CCDC174: variants seen among roughly 807,000 people sequenced by gnomAD.
The protein encoded by CCDC174 is coiled-coil domain containing 174.
In CCDC174, 37 loss-of-function variants were observed where a neutral mutation model predicts 57.1. The observed-to-expected ratio is 0.65, with a 90% CI of 0.50 to 0.85. The LOEUF (loss-of-function observed/expected upper bound fraction) is 0.85. Ranked by LOEUF, CCDC174 falls within the 40% of genes least tolerant of loss-of-function variation. CCDC174 has a pLI of 0.00. For synonymous variants in CCDC174, 182 were observed against 190.2 expected (o/e 0.96, Z 0.35); for missense variants, 540 against 574.3 (o/e 0.94, Z 0.61).
At position 14,668,109 on chromosome 3, in the gene CCDC174, G is replaced by T; in HGVS notation, c.880G>T (p.Ala294Ser). The change falls in exon 9 of 11, where the codon GCA (alanine) becomes TCA (serine). Residue 294 changes from alanine to serine, a missense_variant. Transcript: ENST00000383794. ...IKEKRKAILEARLAKLRQKKM... is the reference protein window; with the variant it reads ...IKEKRKAILESRLAKLRQKKM... ...GGAAAAGCGAAAGGCTATCTTAGAG[G>T]CAAGACTTGCCAAACTTCGACAAAA... The T allele has an allele frequency of 2.5e-6, 4 of 1,609,828 alleles. No homozygotes were observed. Among genetic ancestry groups the T allele is most frequent in the Non-Finnish European group, 3.4e-6 (4 of 1,178,024 alleles).
intron 3 of CCDC174, among the ~76,000 whole-genome samples, chr3:14,657,789 T>TGTG (rs2031007785): frequency 6.6e-6 from 1 of 152,214 alleles, no homozygotes; most frequent in African/African-American, 2.4e-5. Context: ...CAGATCCTCC[T>TGTG]GTGGTTGGCT....
intron 6 of CCDC174, 35 bp from the exon 7 acceptor site, chr3:14,666,770 A>T: frequency 6.5e-7 from 1 of 1,534,990 alleles, no homozygotes; most frequent in Non-Finnish European, 8.7e-7. Context: ...CTCAATCCTT[A>T]TCTGAAGATA....
intron 3 of CCDC174, among the ~76,000 whole-genome samples, chr3:14,657,697 C>T (rs1010256479): frequency 6.6e-6 from 1 of 152,226 alleles, no homozygotes; most frequent in African/African-American, 2.4e-5. Context: ...GCTCAGCACC[C>T]TCTGCTCTAC....
chr3:14,651,955 T>C, intron 1 of CCDC174, 77 bp downstream of exon 1: 1 of 1,450,988 alleles, frequency 6.9e-7, no homozygotes, highest in Non-Finnish European at 9.6e-7. Context: ...CGACCTAGCT[T>C]GTTTCTTCAC....
chr3:14,657,435 C>A (rs1264273347), intron 3 of CCDC174, among the ~76,000 whole-genome samples: 1 of 152,224 alleles, frequency 6.6e-6, no homozygotes, highest in African/African-American at 2.4e-5. Flanking sequence ...CAGGCAGTGT[C>A]CCTGCTCTCA....
rs773494166 is a variant in CCDC174, at chr3:14,668,158, G to A, written c.929G>A (p.Gly310Asp). ...RQKKMKKSKE[G>D]GTEEENRDGD... ...AAAAAGATGAAAAAATCAAAAGAAG[G>A]TGGAACAGAAGAAGAAAATAGAGGT... The change falls in exon 9 of 11, where the codon GGT becomes GAT. Residue 310 changes from glycine to aspartate, a missense_variant. Coordinates refer to ENST00000383794, the MANE Select transcript of CCDC174 (RefSeq NM_016474.5). 4.3e-6 allele frequency: 7 copies of A among 1,611,380 alleles called. No individual in the cohort carries two copies. The South Asian group carries it at 5.5e-5, about 13-fold the overall frequency.
chr3:14,667,389 A>G (rs1334751454), intron 7 of CCDC174, 35 bp from the exon 8 acceptor site: 2 of 1,473,814 alleles, frequency 1.4e-6, no homozygotes, highest in Non-Finnish European at 1.9e-6. Context: ...TGATCAGGAC[A>G]GTCTGATCTT....
Position 14,671,139 on chromosome 3 carries a change from C to A in CCDC174, c.1349C>A (p.Thr450Lys), listed in dbSNP as rs868434078. 1.2e-6 allele frequency: 2 copies of A among 1,613,674 alleles called. No individual in the cohort carries two copies. The highest frequency in any genetic ancestry group is 2.7e-5 in the African/African-American group (2 of 74,934). The change falls in exon 11 of 11, where the codon ACA (threonine) becomes AAA (lysine). Residue 450 changes from threonine to lysine, a missense_variant. By Grantham distance (78) the Thr-to-Lys change is moderately conservative. Transcript: ENST00000383794. ...PAPDNPPQAPTVTFKTLDDMI... is the reference protein window; with the variant it reads ...PAPDNPPQAPKVTFKTLDDMI... ...CCCGACAACCCACCACAAGCCCCCACAGTTACTTTCAAAACTCTGGATGAC... is the reference window on the plus strand; with the variant it reads ...CCCGACAACCCACCACAAGCCCCCAAAGTTACTTTCAAAACTCTGGATGAC...
Position 14,653,297 on chromosome 3 carries a change from T to C in CCDC174, c.43-1129T>C, listed in dbSNP as rs745828093. The stretch of plus-strand genomic sequence containing the variant: ...AAGGCAGTTGTAGACTAGGAAGATA[T>C]GTGGCTGGAAAATTTGGTGTGGTTA... On this transcript the variant is annotated intron_variant, in intron 1 of 10. Coordinates refer to ENST00000383794, the MANE Select transcript of CCDC174 (RefSeq NM_016474.5). Among the ~76,000 whole-genome samples the C allele has an allele frequency of 8.5e-5, 13 of 152,222 alleles. 1 individual carries two copies. The highest frequency in any genetic ancestry group is 3.9e-4 in the Admixed American group (6 of 15,284).
intron 5 of CCDC174, among the ~76,000 whole-genome samples, chr3:14,664,341 G>C (rs2124842874): frequency 1.3e-5 from 2 of 152,282 alleles, no homozygotes; most frequent in South Asian, 4.1e-4. Context: ...TAAAATATCT[G>C]TTGCGTCATA....
At chr3:14,652,816 C>T (rs1335693301) in intron 1 of CCDC174, among the ~76,000 whole-genome samples, 1 of 150,696 alleles carries the variant, frequency 6.6e-6, no homozygotes, top group Non-Finnish European at 1.5e-5. Flanking sequence ...GCAGGAGAAT[C>T]GCTTGAACCG....
In CCDC174 at chr3:14,661,716, C is replaced by T; in HGVS notation, c.485+9C>T. On this transcript the variant is annotated intron_variant, in intron 5 of 10. Transcript: ENST00000383794. Reference sequence around the variant, plus strand: ...GACCCCAGTGAAGAATGGTTGGTAACATCATGGATTAGCTCAGAGGAACAT... The same window carrying T: ...GACCCCAGTGAAGAATGGTTGGTAATATCATGGATTAGCTCAGAGGAACAT... 6.2e-7 allele frequency: 1 copy of T among 1,606,650 alleles called. No individual in the cohort carries two copies. The highest frequency in any genetic ancestry group is 8.5e-7 in the Non-Finnish European group (1 of 1,176,984).
At position 14,672,534 on chromosome 3, in the gene CCDC174, T is replaced by C. The variant is rs1210872614; in HGVS notation, c.*1340T>C. On this transcript the variant is annotated 3_prime_UTR_variant, in exon 11 of 11. Coordinates refer to ENST00000383794, the MANE Select transcript of CCDC174 (RefSeq NM_016474.5). ...AGCAATCTTAGACAAACATCCTGAA[T>C]TCTTACAAACTTACCTCTAAACTCT... 1.3e-5 allele frequency: 2 copies of C among 152,244 alleles called. No homozygotes were observed. The highest frequency in any genetic ancestry group is 4.8e-5 in the African/African-American group (2 of 41,454). The allele number at this position is 152,244 out of a possible 1,614,324, so 9.4% of individuals were successfully genotyped here. A position where few individuals can be genotyped will look rare whatever the true frequency, so the allele number is the denominator to read the frequency against.
rs1168559687 is a variant in CCDC174, at chr3:14,671,070, A to G, written c.1280A>G (p.Gln427Arg). ...AGTGACCCAGGGCAGTGCCCTGACC[A>G]GAGCCACGGACCTAGCCCTGAACAT... is the stretch of plus-strand genomic sequence containing the variant. ...AQSDPGQCPD[Q>R]SHGPSPEHTS... Residue 427 changes from glutamine (Q) to arginine (R), a missense_variant, in exon 11 of 11, where the codon CAG (glutamine) becomes CGG (arginine). Coordinates refer to ENST00000383794, the MANE Select transcript of CCDC174 (RefSeq NM_016474.5). 1 of 1,614,216 alleles carries G rather than the reference A, an allele frequency of 6.2e-7. No individual in the cohort carries two copies. Among genetic ancestry groups the G allele is most frequent in the South Asian group, 1.1e-5 (1 of 91,084 alleles).
chr3:14,654,482 A>G lies in CCDC174; in HGVS notation c.99A>G (p.Lys33=), dbSNP rs769448969. Residue 33 remains lysine, a synonymous_variant, in exon 2 of 11, where the codon AAA becomes AAG. Coordinates refer to ENST00000383794, the MANE Select transcript of CCDC174 (RefSeq NM_016474.5). The part of the protein sequence containing the change: ...FRKQEEFKQE[K]LLKDSGVFGK... ...AGCAAGAAGAATTCAAACAAGAAAA[A>G]CTTCTAAAAGATTCTGGAGTTTTTG... is the stretch of plus-strand genomic sequence containing the variant. The G allele has an allele frequency of 3.7e-6, 6 of 1,608,304 alleles. No individual in the cohort carries two copies. In the African/African-American group the frequency reaches 8.0e-5, roughly 22 times the overall value.
chr3:14,655,493 T>G, intron 2 of CCDC174, 36 bp from the exon 3 acceptor site: 1 of 1,389,118 alleles, frequency 7.2e-7, no homozygotes, highest in Non-Finnish European at 1.0e-6. Flanking sequence ...TTGGCAATCA[T>G]GTGGTTCTGT....
At chr3:14,666,487 G>A (rs187665667) in intron 6 of CCDC174, among the ~76,000 whole-genome samples, 9 of 152,128 alleles carry the variant, frequency 5.9e-5, no homozygotes, top group African/African-American at 2.2e-4. Flanking sequence ...GCCAGATGTG[G>A]TGGTGGGTGC....
At chr3:14,652,003 G>A in intron 1 of CCDC174, 125 bp downstream of exon 1, 1 of 905,362 alleles carries the variant, frequency 1.1e-6, no homozygotes. Flanking sequence ...CCTCAAACAG[G>A]AACCCCCGAA....
chr3:14,652,883 C>T (rs1407374754), intron 1 of CCDC174, among the ~76,000 whole-genome samples: 2 of 134,342 alleles, frequency 1.5e-5, no homozygotes, highest in Non-Finnish European at 3.0e-5. Flanking sequence ...ACCTGGGCAA[C>T]AAGAGCGAAA....
Sources: allele counts gnomAD v4.1 joint callset (sites outside exome capture counted in the v4.1 genomes callset), GRCh38; gene constraint gnomAD v4.1.1; transcripts MANE v1.5; gene names NCBI Gene and HGNC (gene_info 2026-07-23, HGNC 2026-07-21).